LRRC4C: variants seen among roughly 807,000 people sequenced by gnomAD.
LRRC4C encodes the protein leucine-rich repeat-containing protein 4C.
A neutral mutation model predicts 33.6 loss-of-function variants in LRRC4C; 5 were observed. The observed-to-expected ratio is 0.15, with a 90% CI of 0.08 to 0.31. The LOEUF (loss-of-function observed/expected upper bound fraction) is 0.31, where lower values mean the gene tolerates loss of function less well. Among genes scored for constraint, LRRC4C ranks in the 10% least tolerant of loss-of-function variants. The probability of loss-of-function intolerance (pLI) is 1.00; values close to 1 mark genes in which losing one functional copy is unlikely to be tolerated. For synonymous variants in LRRC4C, 329 were observed against 302.0 expected, an observed-to-expected ratio of 1.09 and a Z score of -0.93; for missense variants, 560 against 796.7, an observed-to-expected ratio of 0.70 and a Z score of 3.58.
intron 2 of LRRC4C, among the ~76,000 whole-genome samples, chr11:40,820,625 A>G (rs1951893425): frequency 6.6e-6 from 1 of 151,952 alleles, no homozygotes; most frequent in African/African-American, 2.4e-5. Flanking sequence ...CAGCAAAAGC[A>G]TTTAACAATA....
At chr11:40,413,688 G>T (rs1398353769) in intron 3 of LRRC4C, among the ~76,000 whole-genome samples, 1 of 152,074 alleles carries the variant, frequency 6.6e-6, no homozygotes, top group Non-Finnish European at 1.5e-5. Flanking sequence ...TAATAAATAT[G>T]CAGAAGATAT....
At chr11:40,943,826 C>T (rs538850112) in intron 1 of LRRC4C, among the ~76,000 whole-genome samples, 3 of 152,134 alleles carry the variant, frequency 2.0e-5, no homozygotes, top group Non-Finnish European at 4.4e-5. Flanking sequence ...CCATAAAAAC[C>T]GGACCTGATA....
intron 2 of LRRC4C, among the ~76,000 whole-genome samples, chr11:40,872,912 A>G (rs954285995): frequency 6.6e-6 from 1 of 152,198 alleles, no homozygotes; most frequent in African/African-American, 2.4e-5. Context: ...GTTAAAAACA[A>G]GAGTTAGAAT....
chr11:40,353,612 G>A (rs966208454), intron 3 of LRRC4C, among the ~76,000 whole-genome samples: 2 of 152,076 alleles, frequency 1.3e-5, no homozygotes, highest in African/African-American at 4.8e-5. Context: ...TATTTGGGAG[G>A]CTGAGTCATG....
intron 1 of LRRC4C, among the ~76,000 whole-genome samples, chr11:41,079,773 AT>A (rs1344851833): frequency 2.0e-5 from 3 of 151,972 alleles, no homozygotes; most frequent in Non-Finnish European, 4.4e-5. Context: ...CTTTATGAGG[AT>A]TTTTTTTGTG....
intron 1 of LRRC4C, among the ~76,000 whole-genome samples, chr11:41,154,389 T>TATAATATATATAATATATA (rs1944133940): frequency 6.6e-6 from 1 of 152,134 alleles, no homozygotes; most frequent in Non-Finnish European, 1.5e-5. Context: ...ATGGCCTTTA[T>TATAATATATATAATATATA]CATTATATAA....
rs555003172 is a variant in LRRC4C at position 41,236,782 on chromosome 11, G to A, written c.-496+222649C>T. ...AGGCAAACCCACATTGTTTTCTAGT[G>A]GTATGACCTGATTTAGAAGCATAAG... On this transcript the variant is annotated intron_variant, in intron 1 of 6. Transcript: ENST00000528697. 2.6e-5 allele frequency among the ~76,000 whole-genome samples: 4 copies of A among 152,232 alleles called. No homozygotes were observed. In the South Asian group the frequency reaches 6.2e-4, roughly 24 times the overall value.
intron 1 of LRRC4C, among the ~76,000 whole-genome samples, chr11:41,323,374 A>G (rs1290364627): frequency 6.6e-6 from 1 of 152,226 alleles, no homozygotes; most frequent in Non-Finnish European, 1.5e-5. Context: ...AAGATAAAAT[A>G]AATCTATACA....
intron 1 of LRRC4C, among the ~76,000 whole-genome samples, chr11:41,089,243 G>A (rs1025338308): frequency 6.6e-6 from 1 of 151,896 alleles, no homozygotes; most frequent in Admixed American, 6.6e-5. Flanking sequence ...CCTTATATAT[G>A]GCATTTGATA....
At chr11:40,377,683 A>G (rs1246676353) in intron 3 of LRRC4C, among the ~76,000 whole-genome samples, 2 of 152,156 alleles carry the variant, frequency 1.3e-5, no homozygotes, top group African/African-American at 4.8e-5. Flanking sequence ...AAATTCTGAT[A>G]AAGGCTCTGG....
At chr11:41,221,925 T>A (rs1205792144) in intron 1 of LRRC4C, among the ~76,000 whole-genome samples, 1 of 152,162 alleles carries the variant, frequency 6.6e-6, no homozygotes, top group East Asian at 1.9e-4. Context: ...GCACGCTACA[T>A]CTTAAGAACT....
At chr11:40,858,006 GGAC>G in intron 2 of LRRC4C, among the ~76,000 whole-genome samples, 1 of 93,850 alleles carries the variant, frequency 1.1e-5, no homozygotes, top group Admixed American at 1.2e-4. Flanking sequence ...ACAGGGACAG[GGAC>G]AAGGAAAGGA....
intron 1 of LRRC4C, among the ~76,000 whole-genome samples, chr11:41,324,153 C>T (rs939666955): frequency 2.6e-5 from 4 of 151,906 alleles, no homozygotes; most frequent in Non-Finnish European, 4.4e-5. Flanking sequence ...AGGCAGGGCG[C>T]GGTAGGGTAG....
At chr11:40,373,690 C>G (rs1433150473) in intron 3 of LRRC4C, among the ~76,000 whole-genome samples, 2 of 152,054 alleles carry the variant, frequency 1.3e-5, no homozygotes, top group Non-Finnish European at 2.9e-5. Flanking sequence ...GGCACCATCC[C>G]CTTGGTGATC....
At chr11:40,960,866 T>C (rs1472933868) in intron 1 of LRRC4C, among the ~76,000 whole-genome samples, 1 of 151,712 alleles carries the variant, frequency 6.6e-6, no homozygotes, top group Non-Finnish European at 1.5e-5. Context: ...CAAAGGCATA[T>C]AATGACACTT....
chr11:40,227,941 A>C (rs976142637), intron 5 of LRRC4C, among the ~76,000 whole-genome samples: 4 of 152,188 alleles, frequency 2.6e-5, no homozygotes, highest in African/African-American at 9.7e-5. Context: ...TAACCCACAT[A>C]AACCAGAGAG....
At chr11:41,340,136 T>A (rs1198592980) in intron 1 of LRRC4C, among the ~76,000 whole-genome samples, 3 of 152,222 alleles carry the variant, frequency 2.0e-5, no homozygotes, top group Non-Finnish European at 2.9e-5. Flanking sequence ...GTTTCGCTCA[T>A]CTTTTTTACA....
At chr11:41,249,915 G>A (rs1191164059) in intron 1 of LRRC4C, among the ~76,000 whole-genome samples, 2 of 151,920 alleles carry the variant, frequency 1.3e-5, no homozygotes, top group Non-Finnish European at 2.9e-5. Flanking sequence ...CTTATATCTT[G>A]AGTGCATAGA....
intron 5 of LRRC4C, among the ~76,000 whole-genome samples, chr11:40,172,982 C>G (rs1323443549): frequency 1.3e-5 from 2 of 152,084 alleles, no homozygotes; most frequent in African/African-American, 4.8e-5. Flanking sequence ...AGAGGAAGAT[C>G]AAGTGAAGAC....
Sources: allele counts gnomAD v4.1 joint callset (sites outside exome capture counted in the v4.1 genomes callset), GRCh38; gene constraint gnomAD v4.1.1; transcripts MANE v1.5; gene names NCBI Gene and HGNC (gene_info 2026-07-23, HGNC 2026-07-21).